The following AIG1 variants were observed in gnomAD, a reference collection of about 807,000 sequenced individuals.
AIG1 encodes the protein androgen induced 1.
A neutral mutation model predicts 31.4 loss-of-function variants in AIG1; 23 were observed. The ratio of observed to expected loss-of-function variants is 0.73; its 90% CI spans 0.53 to 1.04. AIG1 has a LOEUF of 1.04. Ranked by LOEUF, AIG1 falls within the 50% of genes least tolerant of loss-of-function variation. The pLI is 0.00. For synonymous variants in AIG1, 100 were observed against 110.5 expected, an observed-to-expected ratio of 0.90 and a Z score of 0.60; for missense variants, 274 against 295.0, an observed-to-expected ratio of 0.93 and a Z score of 0.52.
chr6:143,301,775 G>A (rs925573347), intron 4 of AIG1, among the ~76,000 whole-genome samples: 1 of 152,130 alleles, frequency 6.6e-6, no homozygotes, highest in Non-Finnish European at 1.5e-5. Context: ...TTCAAGGTGA[G>A]ATTTGGGTGG....
rs1213779538 is a variant in AIG1 at position 143,143,524 on chromosome 6, A to G, written c.297+6534A>G. ...TCAAAAAAAAAAAAAAAAAAAAAAA[A>G]AAAAATATATATATATATATATATA... On this transcript the variant is annotated intron_variant, in intron 2 of 5. Transcript: ENST00000357847. Among the ~76,000 whole-genome samples, 52 of 79,812 alleles carry G rather than the reference A, an allele frequency of 6.5e-4. 1 individual carries two copies. The highest frequency in any genetic ancestry group is 2.7e-3 in the African/African-American group (51 of 18,570). 52.4% of individuals were successfully genotyped at this position (79,812 alleles called of 152,430 possible). A position where few individuals can be genotyped will look rare whatever the true frequency, so the allele number is the denominator to read the frequency against.
chr6:143,307,429 C>T (rs1799407044), intron 4 of AIG1, among the ~76,000 whole-genome samples: 2 of 152,226 alleles, frequency 1.3e-5, no homozygotes, highest in Non-Finnish European at 2.9e-5. Context: ...ACAGGACCCT[C>T]AGCTGCAGGT....
At chr6:143,187,511 A>G (rs1789373239) in intron 3 of AIG1, 3 of 1,534,594 alleles carry the variant, frequency 2.0e-6, no homozygotes, top group Non-Finnish European at 2.6e-6. Flanking sequence ...CACTTACCAC[A>G]TTTTTTAACC....
chr6:143,096,436 T>C (rs554258853), intron 1 of AIG1, among the ~76,000 whole-genome samples: 4 of 152,368 alleles, frequency 2.6e-5, no homozygotes, highest in Non-Finnish European at 5.9e-5. Context: ...ATATGCTTTA[T>C]CATTGGTCAG....
intron 3 of AIG1, among the ~76,000 whole-genome samples, chr6:143,180,621 C>G (rs922984215): frequency 5.3e-5 from 8 of 152,140 alleles, no homozygotes; most frequent in African/African-American, 1.9e-4. Flanking sequence ...CCTCGGCTTA[C>G]TGAAGAACTA....
At chr6:143,128,592 C>A (rs1166706376) in intron 1 of AIG1, among the ~76,000 whole-genome samples, 2 of 152,202 alleles carry the variant, frequency 1.3e-5, no homozygotes, top group African/African-American at 4.8e-5. Context: ...TGCAGAATGG[C>A]TGGAGTCGAA....
chr6:143,155,108 C>T (rs1785614423), intron 2 of AIG1, among the ~76,000 whole-genome samples: 1 of 151,864 alleles, frequency 6.6e-6, no homozygotes. Flanking sequence ...ATCCACCCAC[C>T]TCAGCCTCCC....
intron 3 of AIG1, among the ~76,000 whole-genome samples, chr6:143,212,028 A>T (rs760555097): frequency 2.6e-5 from 4 of 152,068 alleles, no homozygotes; most frequent in Non-Finnish European, 4.4e-5. Context: ...GGACCGGATA[A>T]TTCTTGTTGG....
intron 3 of AIG1, among the ~76,000 whole-genome samples, chr6:143,201,666 C>T (rs745434163): frequency 6.6e-6 from 1 of 152,196 alleles, no homozygotes; most frequent in Non-Finnish European, 1.5e-5. Flanking sequence ...CCAGTGTGGA[C>T]ATCTCCAAAA....
chr6:143,122,880 T>C (rs1234476061), intron 1 of AIG1, among the ~76,000 whole-genome samples: 1 of 152,058 alleles, frequency 6.6e-6, no homozygotes, highest in East Asian at 1.9e-4. Flanking sequence ...TTGTTTTCTC[T>C]CCCTCCTGAC....
intron 2 of AIG1, among the ~76,000 whole-genome samples, chr6:143,148,829 A>AG (rs929640598): frequency 1.3e-5 from 2 of 151,814 alleles, no homozygotes; most frequent in African/African-American, 4.8e-5. Flanking sequence ...CAAAAAAAAA[A>AG]AGAGAGAGAG....
chr6:143,331,662 GTA>G lies in AIG1; in HGVS notation c.516-1616_516-1615del, dbSNP rs1048324419. Among the ~76,000 whole-genome samples the G allele has an allele frequency of 2.6e-5, 4 of 151,692 alleles. No homozygotes were observed. The highest frequency in any genetic ancestry group is 4.8e-5 in the African/African-American group (2 of 41,266). On this transcript the variant is annotated intron_variant, in intron 4 of 5. Coordinates refer to ENST00000357847, the MANE Select transcript of AIG1 (RefSeq NM_016108.4). This position sits in a 1 kb window ranked among gnomAD's most constrained non-coding sequence, Gnocchi z 4.1. ...TGTGTGTGTGTATATATGTGTGTGT[GTA>G]TATGTGTGTGTGTGTGTATCTGTGC...
intron 4 of AIG1, among the ~76,000 whole-genome samples, chr6:143,321,301 T>C (rs1300571677): frequency 1.3e-5 from 2 of 151,948 alleles, no homozygotes; most frequent in Non-Finnish European, 2.9e-5. Flanking sequence ...ATACTTCAAT[T>C]TTTAAAAAAT....
chr6:143,225,020 G>T (rs879549090), intron 3 of AIG1, among the ~76,000 whole-genome samples: 2 of 152,142 alleles, frequency 1.3e-5, no homozygotes, highest in Non-Finnish European at 1.5e-5. Context: ...TTCCTGCTTG[G>T]AGTCCAGTAG....
At chr6:143,215,874 G>T (rs1791988828) in intron 3 of AIG1, among the ~76,000 whole-genome samples, 2 of 152,104 alleles carry the variant, frequency 1.3e-5, no homozygotes, top group Non-Finnish European at 2.9e-5. Context: ...AGGCTTTTTA[G>T]TCCATACAGT....
chr6:143,127,330 C>T (rs1304844111), intron 1 of AIG1, among the ~76,000 whole-genome samples: 2 of 152,290 alleles, frequency 1.3e-5, no homozygotes, highest in East Asian at 3.9e-4. Context: ...CCATTGCTGC[C>T]CTTCTCAGCA....
At chr6:143,143,537 A>ATATATATATATATG (rs1784457430) in intron 2 of AIG1, among the ~76,000 whole-genome samples, 1 of 118,322 alleles carries the variant, frequency 8.5e-6, no homozygotes, top group South Asian at 2.8e-4. Context: ...AAATATATAT[A>ATATATATATATATG]TATATATATA....
At chr6:143,214,103 C>G (rs1423088122) in intron 3 of AIG1, among the ~76,000 whole-genome samples, 1 of 152,156 alleles carries the variant, frequency 6.6e-6, no homozygotes, top group Non-Finnish European at 1.5e-5. Flanking sequence ...GTAAAATACT[C>G]TTGATAACTT....
chr6:143,130,215 C>T (rs1446707706), intron 1 of AIG1, among the ~76,000 whole-genome samples: 6 of 152,038 alleles, frequency 3.9e-5, no homozygotes, highest in South Asian at 2.1e-4. Flanking sequence ...AGGTGTGAGC[C>T]ACCGCGCCCT....
Sources: gnomAD v4.1 joint callset for allele counts (sites outside exome capture counted in the v4.1 genomes callset) on GRCh38, gnomAD v4.1.1 for gene constraint, Gnocchi (gnomAD v3.1) non-coding constraint, MANE v1.5 for transcripts, NCBI Gene and HGNC (gene_info 2026-07-23, HGNC 2026-07-21) for gene names.